Variants in RTN4 observed in about 807,000 individuals in gnomAD.
RTN4 encodes reticulon 4.
In RTN4, 32 loss-of-function variants were observed where a neutral mutation model predicts 90.4. The ratio of observed to expected loss-of-function variants is 0.35; its 90% CI spans 0.27 to 0.48. The LOEUF is 0.48. RTN4 is among the 20% of genes least tolerant of loss of function. RTN4 has a pLI of 0.99. For missense variants in RTN4, 1,706 were observed against 1,430.2 expected, an observed-to-expected ratio of 1.19 and a Z score of -3.11; for synonymous variants, 629 against 552.5, an observed-to-expected ratio of 1.14 and a Z score of -1.94.
intron 3 of RTN4, among the ~76,000 whole-genome samples, chr2:55,012,935 G>A (rs1040635420): frequency 3.8e-4 from 58 of 152,250 alleles, no homozygotes; most frequent in African/African-American, 1.2e-3. Flanking sequence ...ACATAAATCT[G>A]TTAAAAACTT....
chr2:55,044,968 G>T (rs932892906), intron 1 of RTN4, among the ~76,000 whole-genome samples: 1 of 152,032 alleles, frequency 6.6e-6, no homozygotes, highest in Admixed American at 6.6e-5. Flanking sequence ...GAATGGACAG[G>T]GCATGACTTT....
chr2:54,981,727 T>G (rs1678144328), intron 5 of RTN4, among the ~76,000 whole-genome samples: 1 of 152,198 alleles, frequency 6.6e-6, no homozygotes, highest in African/African-American at 2.4e-5. Flanking sequence ...TTCCAATGAT[T>G]ACCAGTTGAA....
At chr2:55,086,175 G>C (rs1668834077) in intron 1 of RTN4, among the ~76,000 whole-genome samples, 1 of 152,160 alleles carries the variant, frequency 6.6e-6, no homozygotes, top group African/African-American at 2.4e-5. Context: ...AAGATGCCTA[G>C]CTTATTCCCC....
chr2:55,055,786 A>C (rs1222020894), upstream of RTN4, among the ~76,000 whole-genome samples: 5 of 151,866 alleles, frequency 3.3e-5, no homozygotes, highest in Admixed American at 2.0e-4. Flanking sequence ...AAAAACAAAA[A>C]AAACAAAAAC....
At chr2:55,020,325 C>G (rs1443825756) in intron 3 of RTN4, among the ~76,000 whole-genome samples, 1 of 151,894 alleles carries the variant, frequency 6.6e-6, no homozygotes, top group Non-Finnish European at 1.5e-5. Flanking sequence ...GTAACCAAAA[C>G]AGCATGGTAC....
At chr2:55,038,080 T>A (rs1429940000) in intron 1 of RTN4, among the ~76,000 whole-genome samples, 2 of 152,174 alleles carry the variant, frequency 1.3e-5, no homozygotes, top group East Asian at 3.9e-4. Context: ...ATTATATGTA[T>A]GGAAAAGAAA....
intron 2 of RTN4, among the ~76,000 whole-genome samples, chr2:55,060,980 C>T (rs564435042): frequency 1.3e-5 from 2 of 152,164 alleles, no homozygotes; most frequent in Non-Finnish European, 2.9e-5. Context: ...TAGAAGTGGA[C>T]CTCCAATACT....
chr2:55,129,575 C>G, the RTN4 span, among the ~76,000 whole-genome samples: 1 of 133,816 alleles, frequency 7.5e-6, no homozygotes, highest in South Asian at 2.3e-4. Flanking sequence ...CAAAGCAAGA[C>G]TGTTTTTTTT....
At chr2:55,098,062 G>T (rs921103835) in intron 1 of RTN4, among the ~76,000 whole-genome samples, 1 of 152,016 alleles carries the variant, frequency 6.6e-6, no homozygotes, top group African/African-American at 2.4e-5. Context: ...ATCCTAGATG[G>T]AATTAACCTC....
chr2:55,058,283 A>G (rs1668226142), intron 2 of RTN4, among the ~76,000 whole-genome samples: 1 of 152,188 alleles, frequency 6.6e-6, no homozygotes, highest in South Asian at 2.1e-4. Context: ...TGGGTAAAGG[A>G]TGCAAACATC....
chr2:55,109,785 C>A (rs1430464601), intron 1 of RTN4, among the ~76,000 whole-genome samples: 2 of 152,230 alleles, frequency 1.3e-5, no homozygotes, highest in East Asian at 3.9e-4. Flanking sequence ...GAGCTCCAGG[C>A]AGAGAGTAAA....
At chr2:55,081,010 A>G (rs902695913) in intron 1 of RTN4, among the ~76,000 whole-genome samples, 4 of 152,204 alleles carry the variant, frequency 2.6e-5, no homozygotes, top group African/African-American at 9.6e-5. Context: ...CAAAAGGTAC[A>G]CTGTATTCAC....
chr2:55,091,852 A>G (rs372381401), intron 1 of RTN4, among the ~76,000 whole-genome samples: 135,652 of 151,750 alleles, frequency 0.89, 60,847 homozygotes, highest in Middle Eastern at 0.97. Context: ...AGAAAAATAA[A>G]AAAGATGCAA....
At chr2:55,075,490 A>G (rs1042966907) in intron 2 of RTN4, among the ~76,000 whole-genome samples, 1 of 152,244 alleles carries the variant, frequency 6.6e-6, no homozygotes, top group African/African-American at 2.4e-5. Context: ...GAGTAGAATC[A>G]ATATTGTGAA....
intron 1 of RTN4, among the ~76,000 whole-genome samples, chr2:55,082,388 G>A (rs1267082742): frequency 6.6e-6 from 1 of 152,160 alleles, no homozygotes; most frequent in Non-Finnish European, 1.5e-5. Flanking sequence ...CTTGAGAACA[G>A]CCAAATCAGG....
At chr2:55,086,126 T>A (rs369474864) in intron 1 of RTN4, among the ~76,000 whole-genome samples, 2 of 152,178 alleles carry the variant, frequency 1.3e-5, no homozygotes, top group Non-Finnish European at 2.9e-5. Flanking sequence ...GCTATTTTAT[T>A]ATTTCCCAAT....
intron 2 of RTN4, among the ~76,000 whole-genome samples, chr2:55,080,288 G>C (rs1668685188): frequency 6.6e-6 from 1 of 152,082 alleles, no homozygotes; most frequent in South Asian, 2.1e-4. Flanking sequence ...AAAGTACTGG[G>C]ATTACAGGTG....
intron 1 of RTN4, among the ~76,000 whole-genome samples, chr2:55,032,138 C>T (rs766305249): frequency 1.3e-5 from 2 of 151,330 alleles, no homozygotes; most frequent in East Asian, 3.9e-4. Flanking sequence ...TGGAGTACAG[C>T]GGGGCTATCT....
intron 5 of RTN4, among the ~76,000 whole-genome samples, chr2:54,978,448 A>AAAG (rs1677843724): frequency 6.6e-6 from 1 of 151,170 alleles, no homozygotes; most frequent in Admixed American, 6.6e-5. Context: ...AAAAAAAAAA[A>AAAG]AAAAAGAGCT....
Sources: gnomAD v4.1 joint callset for allele counts (sites outside exome capture counted in the v4.1 genomes callset) on GRCh38, gnomAD v4.1.1 for gene constraint, MANE v1.5 for transcripts, NCBI Gene and HGNC (gene_info 2026-07-23, HGNC 2026-07-21) for gene names.